The following TMEM132D variants were observed in gnomAD, a reference collection of about 807,000 sequenced individuals.
TMEM132D encodes the protein transmembrane protein 132D, also known as mature OL transmembrane protein.
In TMEM132D, 21 loss-of-function variants were observed where a neutral mutation model predicts 62.3. The observed-to-expected ratio is 0.34, with a 90% confidence interval of 0.24 to 0.49. The LOEUF (loss-of-function observed/expected upper bound fraction) is 0.49, where lower values mean the gene tolerates loss of function less well. Among genes scored for constraint, TMEM132D ranks in the 20% least tolerant of loss-of-function variants. TMEM132D has a pLI of 0.99. For missense variants in TMEM132D, 1,346 were observed against 1,402.8 expected (o/e 0.96, Z 0.65); for synonymous variants, 621 against 575.6 (o/e 1.08, Z -1.13).
intron 3 of TMEM132D, among the ~76,000 whole-genome samples, chr12:129,456,153 T>C (rs1019632746): frequency 3.9e-5 from 6 of 152,178 alleles, no homozygotes; most frequent in African/African-American, 1.4e-4. Flanking sequence ...TTGCCAGTTG[T>C]TAATCATGTG....
chr12:129,276,706 C>T (rs148344987), intron 4 of TMEM132D, among the ~76,000 whole-genome samples: 20 of 152,300 alleles, frequency 1.3e-4, no homozygotes, highest in African/African-American at 4.6e-4. Flanking sequence ...TAAACAATTA[C>T]TAAGTGTTTA....
At chr12:129,078,434 C>G in intron 8 of TMEM132D, 100 bp downstream of exon 8, 1 of 1,199,270 alleles carries the variant, frequency 8.3e-7, no homozygotes, top group East Asian at 2.4e-5. Flanking sequence ...GATATATGAT[C>G]CCACTCTATT....
intron 1 of TMEM132D, among the ~76,000 whole-genome samples, chr12:129,874,025 CG>C (rs2137379409): frequency 6.6e-6 from 1 of 152,292 alleles, no homozygotes; most frequent in South Asian, 2.1e-4. Flanking sequence ...CCTGCTCAGA[CG>C]GGGATTACAA....
chr12:129,497,817 GC>G (rs902410075), intron 3 of TMEM132D, among the ~76,000 whole-genome samples: 52 of 152,008 alleles, frequency 3.4e-4, no homozygotes, highest in African/African-American at 1.2e-3. Context: ...ACACTACCAT[GC>G]CCAGCTAATT....
At chr12:129,200,107 C>A (rs1878660053) in intron 5 of TMEM132D, among the ~76,000 whole-genome samples, 1 of 152,128 alleles carries the variant, frequency 6.6e-6, no homozygotes, top group Non-Finnish European at 1.5e-5. Context: ...ACTCTCCCTG[C>A]CATGAATCCA....
At chr12:129,304,687 T>TG (rs1881804097) in intron 4 of TMEM132D, among the ~76,000 whole-genome samples, 1 of 137,894 alleles carries the variant, frequency 7.3e-6, no homozygotes, top group Non-Finnish European at 1.6e-5. Context: ...TTTTTTTTTT[T>TG]GATAGGGTCT....
intron 1 of TMEM132D, among the ~76,000 whole-genome samples, chr12:129,865,494 C>G (rs1327467786): frequency 6.6e-6 from 1 of 152,186 alleles, no homozygotes; most frequent in Admixed American, 6.5e-5. Flanking sequence ...TGCAATCATA[C>G]AACTTCTGCT....
intron 1 of TMEM132D, among the ~76,000 whole-genome samples, chr12:129,807,261 C>T (rs1424320692): frequency 6.6e-6 from 1 of 152,128 alleles, no homozygotes; most frequent in Non-Finnish European, 1.5e-5. Flanking sequence ...CGGAGTCCAC[C>T]CGCATTCTCC....
intron 3 of TMEM132D, among the ~76,000 whole-genome samples, chr12:129,389,335 CAATACT>C (rs1871233628): frequency 6.6e-6 from 1 of 151,794 alleles, no homozygotes; most frequent in Non-Finnish European, 1.5e-5. Flanking sequence ...ACACAAGTAC[CAATACT>C]AATACTAACA....
chr12:129,218,731 A>G (rs965029604), intron 4 of TMEM132D, among the ~76,000 whole-genome samples: 1 of 152,202 alleles, frequency 6.6e-6, no homozygotes, highest in African/African-American at 2.4e-5. Context: ...TTGTTTCTTT[A>G]GCAAGTAGCA....
intron 3 of TMEM132D, among the ~76,000 whole-genome samples, chr12:129,513,409 T>C (rs1427506833): frequency 1.3e-5 from 2 of 152,234 alleles, no homozygotes; most frequent in African/African-American, 4.8e-5. Flanking sequence ...AACACTGCCA[T>C]AATGGGGACC....
intron 1 of TMEM132D, among the ~76,000 whole-genome samples, chr12:129,726,631 G>A (rs957102237): frequency 2.0e-5 from 3 of 152,160 alleles, no homozygotes; most frequent in Admixed American, 6.5e-5. Context: ...TGACTTGAAA[G>A]ATTGTCTTGC....
At chr12:129,254,155 A>G (rs1880342184) in intron 4 of TMEM132D, among the ~76,000 whole-genome samples, 2 of 152,182 alleles carry the variant, frequency 1.3e-5, no homozygotes. Context: ...GTTATGGACA[A>G]CCAAAAAAAT....
chr12:129,164,223 C>T (rs79315138), intron 5 of TMEM132D, among the ~76,000 whole-genome samples: 3,563 of 152,322 alleles, frequency 0.023, 63 homozygotes, highest in African/African-American at 0.044. Context: ...ATTTCCCGGT[C>T]AACTCATGTC....
intron 4 of TMEM132D, among the ~76,000 whole-genome samples, chr12:129,298,114 G>C (rs1881621563): frequency 1.3e-5 from 2 of 151,836 alleles, no homozygotes; most frequent in African/African-American, 4.8e-5. Flanking sequence ...CTCATGGGTG[G>C]GATTCATACA....
rs571321918 is a variant in TMEM132D at position 129,663,826 on chromosome 12, T to G, written c.968+35984A>C. Among the ~76,000 whole-genome samples the G allele has an allele frequency of 7.3e-4, 111 of 152,342 alleles. 1 individual carries two copies. The highest frequency in any genetic ancestry group is 1.3e-3 in the Non-Finnish European group (90 of 68,030). On this transcript the variant is annotated intron_variant, in intron 2 of 8. Transcript: ENST00000422113. ...CTCCACAAAATACGCTGCTTTGCAT[T>G]ATGAGAGATCCTTGGAGAAAAACCT...
At chr12:129,189,404 G>A (rs1488321903) in intron 5 of TMEM132D, among the ~76,000 whole-genome samples, 1 of 151,428 alleles carries the variant, frequency 6.6e-6, no homozygotes, top group Admixed American at 6.6e-5. Flanking sequence ...GATGGACCTG[G>A]CTCAGGCCTC....
At chr12:129,372,248 G>A (rs975868686) in intron 3 of TMEM132D, among the ~76,000 whole-genome samples, 1 of 152,216 alleles carries the variant, frequency 6.6e-6, no homozygotes, top group Non-Finnish European at 1.5e-5. Flanking sequence ...CTCTAGAACT[G>A]CAGGAGAGCA....
At chr12:129,776,589 G>A (rs1374173451) in intron 1 of TMEM132D, among the ~76,000 whole-genome samples, 1 of 150,834 alleles carries the variant, frequency 6.6e-6, no homozygotes, top group African/African-American at 2.4e-5. Flanking sequence ...CTACTTTGCT[G>A]CTTGTATTTT....
Sources: gnomAD v4.1 joint callset for allele counts (sites outside exome capture counted in the v4.1 genomes callset) on GRCh38, gnomAD v4.1.1 for gene constraint, MANE v1.5 for transcripts, NCBI Gene and HGNC (gene_info 2026-07-23, HGNC 2026-07-21) for gene names.